The following PLEKHG6 variants were observed in gnomAD, a reference collection of about 807,000 sequenced individuals.
PLEKHG6 encodes the protein pleckstrin homology and RhoGEF domain containing G6.
PLEKHG6 carries 91 observed loss-of-function variants against 97.5 expected under a neutral mutation model. That is an observed-to-expected ratio of 0.93 (90% confidence interval 0.79 to 1.11). The LOEUF is 1.11. Among genes scored for constraint, PLEKHG6 ranks in the 50% most tolerant of loss-of-function variants. The pLI, the probability that PLEKHG6 is intolerant of heterozygous loss-of-function variation, is 0.00. For synonymous variants in PLEKHG6, 466 were observed against 425.5 expected (o/e 1.10, Z -1.17); for missense variants, 1,044 against 1,031.0 (o/e 1.01, Z -0.17).
chr12:6,313,841 C>T (rs765531819), intron 3 of PLEKHG6, 57 bp downstream of exon 3: 69 of 1,462,240 alleles, frequency 4.7e-5, no homozygotes, highest in Middle Eastern at 1.8e-4. Flanking sequence ...GTGATGGCTC[C>T]GCAGATGACC....
In PLEKHG6 at chr12:6,327,479, T is replaced by TGCCCCCCC; in HGVS notation, c.1896_1897insGCCCCCCC (p.Pro633AlafsTer25). The TGCCCCCCC allele has an allele frequency of 6.2e-7, 1 of 1,603,270 alleles. No homozygotes were observed. The highest frequency in any genetic ancestry group is 8.5e-7 in the Non-Finnish European group (1 of 1,171,718). ...TGGAACTCCGGGACATCCCTCTGCG[T>TGCCCCCCC]CCCCACCCTCCCGACCCCCAAGCTC... On this transcript the variant is annotated frameshift_variant, in exon 15 of 16. Transcript: ENST00000684764. LOFTEE classifies it high-confidence loss of function.
chr12:6,325,928 C>T (rs989274425), intron 13 of PLEKHG6, among the ~76,000 whole-genome samples: 3 of 152,192 alleles, frequency 2.0e-5, no homozygotes, highest in Non-Finnish European at 4.4e-5. Flanking sequence ...CCCCCTCAGA[C>T]AGTTACTTAA....
Position 6,316,398 on chromosome 12 carries a change from C to T in PLEKHG6, c.750C>T (p.Phe250=). ...PLDPIGLQSG[F]LTFGQRFHPY... ...ACCCCATTGGTCTGCAAAGTGGCTT[C>T]CTGACGGTGAGGCCTGTGAAGGGCT... Residue 250 remains phenylalanine, a synonymous_variant, in exon 7 of 16, where the codon TTC becomes TTT. Transcript: ENST00000684764. The surrounding 1 kb of genome is among the most constrained non-coding windows in gnomAD (Gnocchi z 4.1). 6.4e-7 allele frequency: 1 copy of T among 1,571,742 alleles called. No individual in the cohort carries two copies. The highest frequency in any genetic ancestry group is 8.6e-7 in the Non-Finnish European group (1 of 1,157,974).
chr12:6,311,347 T>C (rs749930), intron 1 of PLEKHG6, among the ~76,000 whole-genome samples: 127,353 of 152,166 alleles, frequency 0.84, 53,488 homozygotes, highest in Middle Eastern at 0.88. Flanking sequence ...CTAATTCTAT[T>C]TGGCTGGTCT....
intron 13 of PLEKHG6, 158 bp downstream of exon 13, chr12:6,319,266 G>T: frequency 1.6e-6 from 1 of 618,254 alleles, no homozygotes; most frequent in Non-Finnish European, 2.8e-6. Context: ...TGGCCAACAT[G>T]GTGAAACCCC....
chr12:6,318,311 C>T lies in PLEKHG6; in HGVS notation c.1166C>T (p.Pro389Leu). The T allele has an allele frequency of 1.9e-6, 3 of 1,614,090 alleles. No homozygotes were observed. The highest frequency in any genetic ancestry group is 2.5e-6 in the Non-Finnish European group (3 of 1,180,014). ...CTCTGTGTCCCTCAGAACCTGCGCC[C>T]ATTCTCCACCCTGGACCTGACGTCC... ...PSDEVEKNLR[P>L]FSTLDLTSPM... is the part of the protein sequence containing the mutation. The change falls in exon 11 of 16, where the codon CCA becomes CTA. Residue 389 changes from proline (P) to leucine (L), a missense_variant. Pro to Leu is a moderately conservative substitution (Grantham distance 98). Coordinates refer to ENST00000684764, the MANE Select transcript of PLEKHG6 (RefSeq NM_001384598.1).
Position 6,327,479 on chromosome 12 carries a change from T to TGGCCCCCCCCCCCCCCCCCCCCCCC in PLEKHG6, c.1896_1897insGGCCCCCCCCCCCCCCCCCCCCCCC (p.Pro633GlyfsTer45). Reference sequence around the variant, plus strand: ...TGGAACTCCGGGACATCCCTCTGCGTCCCCACCCTCCCGACCCCCAAGCTC... The same window carrying TGGCCCCCCCCCCCCCCCCCCCCCCC: ...TGGAACTCCGGGACATCCCTCTGCGTGGCCCCCCCCCCCCCCCCCCCCCCCCCCCACCCTCCCGACCCCCAAGCTC... On this transcript the variant is annotated frameshift_variant, in exon 15 of 16. Transcript: ENST00000684764. LOFTEE classifies it high-confidence loss of function. The TGGCCCCCCCCCCCCCCCCCCCCCCC allele has an allele frequency of 6.2e-7, 1 of 1,603,270 alleles. No homozygotes were observed. The highest frequency in any genetic ancestry group is 8.5e-7 in the Non-Finnish European group (1 of 1,171,716).
chr12:6,318,150 G>A (rs183009791), intron 10 of PLEKHG6, 151 bp from the exon 11 acceptor site: 16 of 1,385,188 alleles, frequency 1.2e-5, no homozygotes, highest in East Asian at 7.2e-5. Context: ...CAGGTCAGAA[G>A]AGCAAAAAGG....
chr12:6,319,460 A>C, intron 13 of PLEKHG6: 1 of 1,344,074 alleles, frequency 7.4e-7, no homozygotes. Context: ...AAGGAAAAAA[A>C]AAAGAATGTA....
chr12:6,326,308 AAATAAT>A, intron 13 of PLEKHG6, 114 bp from the exon 14 acceptor site: 2 of 558,232 alleles, frequency 3.6e-6, no homozygotes, highest in Non-Finnish European at 5.9e-6. Context: ...CAGTCTCAAA[AAATAAT>A]AATAATAATA....
intron 1 of PLEKHG6, 78 bp from the exon 2 acceptor site, chr12:6,312,081 C>G: frequency 1.6e-6 from 1 of 625,376 alleles, no homozygotes; most frequent in Non-Finnish European, 2.5e-6. Flanking sequence ...TCCCAGGCCC[C>G]CTACCAGCCT....
At chr12:6,322,872 C>G (rs912495869) in intron 13 of PLEKHG6, among the ~76,000 whole-genome samples, 7 of 151,338 alleles carry the variant, frequency 4.6e-5, no homozygotes, top group Non-Finnish European at 7.4e-5. Context: ...CAGGGTGAGA[C>G]CTTGTCTAAA....
intron 2 of PLEKHG6, among the ~76,000 whole-genome samples, chr12:6,313,372 C>T: frequency 6.6e-6 from 1 of 152,210 alleles, no homozygotes; most frequent in East Asian, 1.9e-4. Context: ...CGGCAGGAGG[C>T]CCCACTTCTT....
chr12:6,312,192 A>T lies in PLEKHG6; in HGVS notation c.-35A>T. ...GACCTCTTTCTCCTGGACATTGAAG[A>T]TATGGCCCTTTGGAGGTGACCCAGG... On this transcript the variant is annotated 5_prime_UTR_variant, in exon 2 of 16. Transcript: ENST00000684764. The T allele has an allele frequency of 6.9e-7, 1 of 1,452,852 alleles. No homozygotes were observed. The highest frequency in any genetic ancestry group is 9.0e-7 in the Non-Finnish European group (1 of 1,105,458). 90.0% of individuals were successfully genotyped at this position (1,452,852 alleles called of 1,614,324 possible).
rs1947900850 is a variant in PLEKHG6 at position 6,327,456 on chromosome 12, G to A, written c.1873G>A (p.Glu625Lys). 1 of 1,613,030 alleles carries A rather than the reference G, an allele frequency of 6.2e-7. No individual in the cohort carries two copies. Among genetic ancestry groups the A allele is most frequent in the Non-Finnish European group, 8.5e-7 (1 of 1,179,260 alleles). The change falls in exon 15 of 16, where the codon GAA (glutamate) becomes AAA (lysine). Residue 625 changes from glutamate to lysine, a missense_variant. Glu to Lys is a moderately conservative substitution (Grantham distance 56). Transcript: ENST00000684764. ...CCCTCGCCTCACCTTCTCCACCCTGGAACTCCGGGACATCCCTCTGCGTCC... is the reference window on the plus strand; with the variant it reads ...CCCTCGCCTCACCTTCTCCACCCTGAAACTCCGGGACATCCCTCTGCGTCC... ...RDPRLTFSTL[E>K]LRDIPLRPHP...
rs952879241 is a variant in PLEKHG6, at chr12:6,317,859, T to C, written c.1020T>C (p.Ile340=). Residue 340 remains isoleucine (I), a splice_region_variant and synonymous_variant, in exon 10 of 16, where the codon ATT becomes ATC. Coordinates refer to ENST00000684764, the MANE Select transcript of PLEKHG6 (RefSeq NM_001384598.1). Reference sequence around the variant, plus strand: ...CCCACACCCCCAACCCCACCTAGATTGAAGCCGTGGAGTCATTCCTGCGAC... The same window carrying C: ...CCCACACCCCCAACCCCACCTAGATCGAAGCCGTGGAGTCATTCCTGCGAC... ...ARAQEALNAM[I]EAVESFLRHI... is the part of the protein sequence containing the mutation. 36 of 1,552,300 alleles carry C rather than the reference T, an allele frequency of 2.3e-5. No individual in the cohort carries two copies. Among genetic ancestry groups the C allele is most frequent in the Non-Finnish European group, 3.1e-5 (35 of 1,147,166 alleles).
At chr12:6,320,398 G>C (rs1051364709) in intron 13 of PLEKHG6, among the ~76,000 whole-genome samples, 1 of 152,164 alleles carries the variant, frequency 6.6e-6, no homozygotes, top group Non-Finnish European at 1.5e-5. Context: ...TCAAATCAAG[G>C]TGTTGGCAGA....
In PLEKHG6 at chr12:6,317,342, C is replaced by T; in HGVS notation, c.796C>T (p.Arg266Ter). ...CCACCCCTATGTCCAGTACTGCCTC[C>T]GAGTGAAGCAGACCATGGCTTACGC... ...RFHPYVQYCL[R>*]VKQTMAYARE... Residue 266 changes from arginine to a stop codon, truncating the protein, a stop_gained, in exon 8 of 16, where the codon CGA becomes TGA. Coordinates refer to ENST00000684764, the MANE Select transcript of PLEKHG6 (RefSeq NM_001384598.1). LOFTEE classifies it high-confidence loss of function. 3.1e-6 allele frequency: 5 copies of T among 1,614,016 alleles called. No homozygotes were observed. Among genetic ancestry groups the T allele is most frequent in the South Asian group, 1.1e-5 (1 of 91,090 alleles).
chr12:6,320,036 G>C (rs957393449), intron 13 of PLEKHG6, among the ~76,000 whole-genome samples: 5 of 152,198 alleles, frequency 3.3e-5, no homozygotes, highest in African/African-American at 1.2e-4. Flanking sequence ...GGAGCAGAAC[G>C]TGCAAAGGCG....
Sources: gnomAD v4.1 joint callset for allele counts (sites outside exome capture counted in the v4.1 genomes callset) on GRCh38, gnomAD v4.1.1 for gene constraint, Gnocchi (gnomAD v3.1) non-coding constraint, MANE v1.5 for transcripts, NCBI Gene and HGNC (gene_info 2026-07-23, HGNC 2026-07-21) for gene names.